Variants in ITGAX observed in about 807,000 individuals in gnomAD.
ITGAX encodes integrin subunit alpha X.
In ITGAX, 99 loss-of-function variants were observed where a neutral mutation model predicts 140.2. The ratio of observed to expected loss-of-function variants is 0.71; its 90% confidence interval spans 0.60 to 0.83. The LOEUF (loss-of-function observed/expected upper bound fraction) is 0.83. ITGAX is among the 40% of genes least tolerant of loss of function. The pLI, the probability that ITGAX is intolerant of heterozygous loss-of-function variation, is 0.00. For synonymous variants in ITGAX, 631 were observed against 600.4 expected (o/e 1.05, Z -0.75); for missense variants, 1,444 against 1,482.0 (o/e 0.97, Z 0.42).
At chr16:31,361,457 C>T in intron 9 of ITGAX, 1 of 671,834 alleles carries the variant, frequency 1.5e-6, no homozygotes, top group Non-Finnish European at 2.7e-6. Context: ...CCACCGGCTC[C>T]ACTGCAGAAC....
At chr16:31,374,170 T>G (rs2080998673) in intron 20 of ITGAX, among the ~76,000 whole-genome samples, 1 of 152,074 alleles carries the variant, frequency 6.6e-6, no homozygotes, top group Non-Finnish European at 1.5e-5. Context: ...GTGCCTGTGA[T>G]CCCAGCTACT....
Position 31,360,449 on chromosome 16 carries a change from C to A in ITGAX, c.847C>A (p.Arg283Ser). ...CATGGCTGATGCAGCAGGCATCATC[C>A]GCTATGCAATTGGGGTAGGGCGTGG... Reference protein sequence around the residue: ...IPMADAAGIIRYAIGVGLAFQ... With the variant: ...IPMADAAGIISYAIGVGLAFQ... The change falls in exon 8 of 30, where the codon CGC becomes AGC. Residue 283 changes from arginine (R) to serine (S), a missense_variant. By Grantham distance (110) the Arg-to-Ser change is moderately radical. Coordinates refer to ENST00000268296, the MANE Select transcript of ITGAX (RefSeq NM_000887.5). The A allele has an allele frequency of 6.2e-7, 1 of 1,610,434 alleles. No homozygotes were observed. The highest frequency in any genetic ancestry group is 1.7e-5 in the Admixed American group (1 of 59,368).
intron 19 of ITGAX, among the ~76,000 whole-genome samples, chr16:31,372,962 G>A (rs1472403764): frequency 2.0e-5 from 3 of 149,342 alleles, no homozygotes; most frequent in African/African-American, 5.0e-5. Context: ...GTGTGGTAGA[G>A]CATGCCTATA....
chr16:31,373,195 AT>A, intron 19 of ITGAX, 53 bp from the exon 20 acceptor site: 1 of 1,246,384 alleles, frequency 8.0e-7, no homozygotes, highest in Non-Finnish European at 1.1e-6. Context: ...ATCCCAGACC[AT>A]TTCTAGCCTC....
rs2081072811 is a variant in ITGAX, at chr16:31,381,948, C to T, written c.*41C>T. 1 of 1,235,558 alleles carries T rather than the reference C, an allele frequency of 8.1e-7. No homozygotes were observed. The highest frequency in any genetic ancestry group is 1.7e-5 in the Admixed American group (1 of 59,084). The allele number at this position is 1,235,558 out of a possible 1,614,324, so 76.5% of individuals were successfully genotyped here. A position where few individuals can be genotyped will look rare whatever the true frequency, so the allele number is the denominator to read the frequency against. On this transcript the variant is annotated 3_prime_UTR_variant, in exon 30 of 30. Coordinates refer to ENST00000268296, the MANE Select transcript of ITGAX (RefSeq NM_000887.5). ...GGACTTCTTCTCCCCCGCGAGTTTT[C>T]CCCACTTACTTACCCTCACCTGTCA... is the stretch of plus-strand genomic sequence containing the variant.
At chr16:31,357,421 CG>C in intron 5 of ITGAX, 57 bp downstream of exon 5, 3 of 1,156,132 alleles carry the variant, frequency 2.6e-6, no homozygotes, top group Non-Finnish European at 3.8e-6. Flanking sequence ...ATTGGGGGTG[CG>C]GTGGGCTAGA....
At chr16:31,369,282 G>C (rs1274136513) in intron 14 of ITGAX, among the ~76,000 whole-genome samples, 1 of 133,148 alleles carries the variant, frequency 7.5e-6, no homozygotes, top group Non-Finnish European at 1.6e-5. Context: ...GGCCGGGCGG[G>C]GGGCTGACCC....
In ITGAX at chr16:31,356,702, G is replaced by T; in HGVS notation, c.221G>T (p.Gly74Val). Residue 74 changes from glycine to valine, a missense_variant, in exon 3 of 30, where the codon GGT becomes GTT. Coordinates refer to ENST00000268296, the MANE Select transcript of ITGAX (RefSeq NM_000887.5). ...CTCTACCAGTGTGGCTACAGCACTGGTGCCTGTGAGCCCATCGGCCTGCAG... is the reference window on the plus strand; with the variant it reads ...CTCTACCAGTGTGGCTACAGCACTGTTGCCTGTGAGCCCATCGGCCTGCAG... ...GGLYQCGYST[G>V]ACEPIGLQVP... 4 of 1,594,586 alleles carry T rather than the reference G, an allele frequency of 2.5e-6. No individual in the cohort carries two copies. The highest frequency in any genetic ancestry group is 3.4e-6 in the Non-Finnish European group (4 of 1,171,934).
chr16:31,372,520 G>C lies in ITGAX; in HGVS notation c.2292+11G>C. 1 of 1,611,348 alleles carries C rather than the reference G, an allele frequency of 6.2e-7. No individual in the cohort carries two copies. Among genetic ancestry groups the C allele is most frequent in the African/African-American group, 1.3e-5 (1 of 74,784 alleles). ...TACTTCACGGCCTCCGTGAGTCCTG[G>C]CACTGGGTCTCCCAGAGAGGGTGCA... On this transcript the variant is annotated intron_variant, in intron 18 of 29. Transcript: ENST00000268296.
Position 31,371,222 on chromosome 16 carries a change from C to A in ITGAX, c.1841+8C>A. 6.2e-7 allele frequency: 1 copy of A among 1,602,982 alleles called. No individual in the cohort carries two copies. The highest frequency in any genetic ancestry group is 8.5e-7 in the Non-Finnish European group (1 of 1,173,742). On this transcript the variant is annotated splice_region_variant and intron_variant, in intron 15 of 29. Coordinates refer to ENST00000268296, the MANE Select transcript of ITGAX (RefSeq NM_000887.5). ...CCAGGTGCTCCTGCTCAGGTGAGAG[C>A]AGCCTTTCTCAGAGGCTCCCCAGGT...
chr16:31,373,177 C>A, intron 19 of ITGAX, 72 bp from the exon 20 acceptor site: 2 of 1,108,328 alleles, frequency 1.8e-6, no homozygotes, highest in South Asian at 1.4e-5. Flanking sequence ...CCCCACCCAC[C>A]CCATTTTATC....
intron 9 of ITGAX, chr16:31,361,583 C>G (rs962715336): frequency 4.2e-6 from 3 of 712,224 alleles, no homozygotes; most frequent in Non-Finnish European, 7.4e-6. Flanking sequence ...ACACCTGGCC[C>G]CCTCGGGTCT....
rs765087677 is a variant in ITGAX at position 31,360,019 on chromosome 16, C to T, written c.661C>T (p.Gln221Ter). Reference sequence around the variant, plus strand: ...CCTCAGCCTGTTGGCTTCTGTTCACCAGCTGCAAGGGTTTACATACACGGC... The same window carrying T: ...CCTCAGCCTGTTGGCTTCTGTTCACTAGCTGCAAGGGTTTACATACACGGC... The part of the protein sequence containing the change: ...NPLSLLASVH[Q>*]LQGFTYTATA... The change falls in exon 7 of 30, where the codon CAG becomes TAG. Residue 221 changes from glutamine (Q) to a stop codon, truncating the protein, a stop_gained. Transcript: ENST00000268296. LOFTEE classifies it high-confidence loss of function. 1.9e-6 allele frequency: 3 copies of T among 1,613,642 alleles called. No individual in the cohort carries two copies. The highest frequency in any genetic ancestry group is 2.5e-6 in the Non-Finnish European group (3 of 1,180,030).
chr16:31,368,347 A>T (rs1269978264), intron 14 of ITGAX, among the ~76,000 whole-genome samples: 3 of 151,764 alleles, frequency 2.0e-5, no homozygotes, highest in African/African-American at 4.8e-5. Context: ...CTACTAAAAA[A>T]ATTAGCTGGG....
Position 31,362,200 on chromosome 16 carries a change from C to T in ITGAX, c.1212C>T (p.Tyr404=), listed in dbSNP as rs1417161805. ...SQENVDMRDS[Y]LGYSTELALW... Reference sequence around the variant, plus strand: ...AGAATGTGGACATGAGGGACTCTTACCTGGGTGAGAAACAGCCAGGGGTTG... The same window carrying T: ...AGAATGTGGACATGAGGGACTCTTATCTGGGTGAGAAACAGCCAGGGGTTG... The change falls in exon 11 of 30, where the codon TAC becomes TAT. Residue 404 remains tyrosine (Y), a synonymous_variant. Coordinates refer to ENST00000268296, the MANE Select transcript of ITGAX (RefSeq NM_000887.5). The T allele has an allele frequency of 6.2e-7, 1 of 1,613,898 alleles. No homozygotes were observed. The highest frequency in any genetic ancestry group is 1.3e-5 in the African/African-American group (1 of 74,950).
At position 31,371,443 on chromosome 16, in the gene ITGAX, C is replaced by T. The variant is rs753723236; in HGVS notation, c.1951C>T (p.Gln651Ter). The T allele has an allele frequency of 6.2e-7, 1 of 1,614,186 alleles. No homozygotes were observed. Among genetic ancestry groups the T allele is most frequent in the Non-Finnish European group, 8.5e-7 (1 of 1,180,026 alleles). Residue 651 changes from glutamine (Q) to a stop codon, truncating the protein, a stop_gained, in exon 16 of 30, where the codon CAG (glutamine) becomes TAG (stop). Coordinates refer to ENST00000268296, the MANE Select transcript of ITGAX (RefSeq NM_000887.5). LOFTEE classifies it high-confidence loss of function. ...GGTGGTCTCTGAGCAGACCCTGGTA[C>T]AGTCCAACATCTGCCTTTACATTGA... ...EQVVSEQTLV[Q>*]SNICLYIDKR...
Position 31,359,836 on chromosome 16 carries a change from C to T in ITGAX, c.561+6C>T, listed in dbSNP as rs1357448917. 3 of 1,614,138 alleles carry T rather than the reference C, an allele frequency of 1.9e-6. No individual in the cohort carries two copies. The highest frequency in any genetic ancestry group is 2.5e-6 in the Non-Finnish European group (3 of 1,180,016). ...TCCAGAGACCCAGCACCCAGGTGTG[C>T]CTTTGGGGGAGGGAGGCTGCTGGGG... is the stretch of plus-strand genomic sequence containing the variant. On this transcript the variant is annotated splice_donor_region_variant and intron_variant, in intron 6 of 29. Transcript: ENST00000268296.
rs199871999 is a variant in ITGAX at position 31,359,762 on chromosome 16, C to G, written c.493C>G (p.Arg165Gly). The change falls in exon 6 of 30, where the codon CGC becomes GGC. Residue 165 changes from arginine to glycine, a missense_variant. Coordinates refer to ENST00000268296, the MANE Select transcript of ITGAX (RefSeq NM_000887.5). Reference sequence around the variant, plus strand: ...CGATGGCTCAGGCAGCATCTCCTCCCGCAACTTTGCCACGATGATGAACTT... The same window carrying G: ...CGATGGCTCAGGCAGCATCTCCTCCGGCAACTTTGCCACGATGATGAACTT... ...LIDGSGSISS[R>G]NFATMMNFVR... 6.2e-7 allele frequency: 1 copy of G among 1,614,124 alleles called. No individual in the cohort carries two copies. Among genetic ancestry groups the G allele is most frequent in the East Asian group, 2.2e-5 (1 of 44,878 alleles).
rs747462483 is a variant in ITGAX, at chr16:31,377,274, G to T, written c.2789+9G>T. 1 of 1,601,152 alleles carries T rather than the reference G, an allele frequency of 6.2e-7. No homozygotes were observed. The highest frequency in any genetic ancestry group is 2.2e-5 in the East Asian group (1 of 44,692). ...TACACTGTGGTTAGCAGGTCAGCAG[G>T]TACCCCACTGCAGGAAAAAGGGTTC... is the stretch of plus-strand genomic sequence containing the variant. On this transcript the variant is annotated intron_variant, in intron 23 of 29. Transcript: ENST00000268296.
Sources: allele counts gnomAD v4.1 joint callset (sites outside exome capture counted in the v4.1 genomes callset), GRCh38; gene constraint gnomAD v4.1.1; transcripts MANE v1.5; gene names NCBI Gene and HGNC (gene_info 2026-07-23, HGNC 2026-07-21).